Variants in TRMT9B observed in about 807,000 individuals in gnomAD.
TRMT9B encodes tRNA methyltransferase 9B (putative).
TRMT9B carries 16 observed loss-of-function variants against 11.5 expected under a neutral mutation model. That is an observed-to-expected ratio of 1.39 (90% CI 0.94 to 2.11). The LOEUF is 2.11. Among genes scored for constraint, TRMT9B ranks in the 30% most tolerant of loss-of-function variants. The pLI, the probability that TRMT9B is intolerant of heterozygous loss-of-function variation, is 0.00. For synonymous variants in TRMT9B, 274 were observed against 192.4 expected (o/e 1.42, Z -3.51); for missense variants, 941 against 553.8 (o/e 1.70, Z -7.02).
chr8:13,013,118 A>C (rs1289945270), intron 4 of TRMT9B, among the ~76,000 whole-genome samples: 1 of 152,228 alleles, frequency 6.6e-6, no homozygotes, highest in African/African-American at 2.4e-5. Context: ...TCTTTTGAGT[A>C]AGAAAGGATT....
intron 2 of TRMT9B, among the ~76,000 whole-genome samples, chr8:12,991,530 T>C (rs1807328810): frequency 6.6e-6 from 1 of 152,258 alleles, no homozygotes. Flanking sequence ...TGCTCTCTCT[T>C]TTTTAATTCT....
At position 12,999,170 on chromosome 8, in the gene TRMT9B, G is replaced by A. The variant is rs754517825; in HGVS notation, c.-1-7032G>A. 3.3e-5 allele frequency among the ~76,000 whole-genome samples: 5 copies of A among 152,000 alleles called. No homozygotes were observed. In the South Asian group the frequency reaches 6.2e-4, roughly 19 times the overall value. On this transcript the variant is annotated intron_variant, in intron 2 of 4. Coordinates refer to ENST00000524591, the MANE Select transcript of TRMT9B (RefSeq NM_020844.3). ...AAAAATTAGCCAGGCATGGTGGTAC[G>A]TGCCTATAATTCCAGGTACTCAGGA...
chr8:13,026,846 G>C lies in TRMT9B; in HGVS notation c.*4802G>C, dbSNP rs1053041085. 2 of 167,040 alleles carry C rather than the reference G, an allele frequency of 1.2e-5. No homozygotes were observed. Among genetic ancestry groups the C allele is most frequent in the African/African-American group, 4.8e-5 (2 of 41,436 alleles). The allele number at this position is 167,040 out of a possible 1,614,324, so 10.3% of individuals were successfully genotyped here. On this transcript the variant is annotated 3_prime_UTR_variant, in exon 5 of 5. Transcript: ENST00000524591. ...TTGGCGGAGTATTAGAGCCTTTCAA[G>C]GTAAGTGTGATTATCCCCTTTCCAA...
intron 1 of TRMT9B, among the ~76,000 whole-genome samples, chr8:12,963,930 A>G (rs1224659640): frequency 6.6e-6 from 1 of 152,236 alleles, no homozygotes; most frequent in African/African-American, 2.4e-5. Context: ...TCAAGAAACT[A>G]GTGATATTGT....
chr8:12,995,035 A>G (rs1402194592), intron 2 of TRMT9B, among the ~76,000 whole-genome samples: 1 of 152,230 alleles, frequency 6.6e-6, no homozygotes, highest in East Asian at 1.9e-4. Context: ...TCCAAGGCGC[A>G]GCTCCCGACT....
At chr8:12,982,158 T>C (rs1805502127) in intron 1 of TRMT9B, among the ~76,000 whole-genome samples, 1 of 152,216 alleles carries the variant, frequency 6.6e-6, no homozygotes, top group South Asian at 2.1e-4. Context: ...AGTTCTCCAG[T>C]TGTCCCTTTG....
intron 1 of TRMT9B, among the ~76,000 whole-genome samples, chr8:12,946,385 C>T (rs965287157): frequency 1.3e-5 from 2 of 152,088 alleles, no homozygotes; most frequent in African/African-American, 4.8e-5. Context: ...TAAATAAAAG[C>T]AGTACAGATA....
At chr8:12,958,456 G>T (rs1356661025) in intron 1 of TRMT9B, 1 of 152,304 alleles carries the variant, frequency 6.6e-6, no homozygotes, top group Non-Finnish European at 1.5e-5. Flanking sequence ...TACTGCATCA[G>T]ATTGGTGCCC....
chr8:12,952,462 A>G (rs1317797642), intron 1 of TRMT9B: 4 of 270,580 alleles, frequency 1.5e-5, no homozygotes, highest in African/African-American at 2.3e-5. Flanking sequence ...GCCATGCAGT[A>G]AGGGATTGCG....
chr8:12,987,073 C>T (rs539174227), intron 1 of TRMT9B, among the ~76,000 whole-genome samples: 5 of 152,166 alleles, frequency 3.3e-5, no homozygotes, highest in South Asian at 4.1e-4. Flanking sequence ...CCTCTTATTT[C>T]GCCATTTGCT....
chr8:13,015,358 G>A lies in TRMT9B; in HGVS notation c.328+2501G>A, dbSNP rs369792096. Among the ~76,000 whole-genome samples, 31 of 151,904 alleles carry A rather than the reference G, an allele frequency of 2.0e-4. No homozygotes were observed. The East Asian group carries it at 5.6e-3, about 27-fold the overall frequency. On this transcript the variant is annotated intron_variant, in intron 4 of 4. Transcript: ENST00000524591. ...CCCTAACCTTCAGCATTTAGAATCC[G>A]CAGGTTTAGCGTAAAGTGAGACCAA... is the stretch of plus-strand genomic sequence containing the variant.
rs1382572043 is a variant in TRMT9B, at chr8:13,028,026, A to G, written c.*5982A>G. 5 of 167,030 alleles carry G rather than the reference A, an allele frequency of 3.0e-5. No individual in the cohort carries two copies. In the East Asian group the frequency reaches 9.6e-4, roughly 32 times the overall value. 10.3% of individuals were successfully genotyped at this position (167,030 alleles called of 1,614,324 possible). On this transcript the variant is annotated 3_prime_UTR_variant, in exon 5 of 5. Transcript: ENST00000524591. ...TGTATTGCAAATGAAAGAGCTCAGC[A>G]TGAGAGCACAATCAGAAACTGAAGA... is the stretch of plus-strand genomic sequence containing the variant.
intron 2 of TRMT9B, among the ~76,000 whole-genome samples, chr8:12,997,171 C>G (rs1283759315): frequency 1.3e-5 from 2 of 151,816 alleles, no homozygotes; most frequent in Non-Finnish European, 2.9e-5. Context: ...AAATGTGACC[C>G]CCAATGTTGG....
rs1441802918 is a variant in TRMT9B at position 13,028,121 on chromosome 8, G to T, written c.*6077G>T. 6.0e-6 allele frequency: 1 copy of T among 167,060 alleles called. No homozygotes were observed. Among genetic ancestry groups the T allele is most frequent in the African/African-American group, 2.4e-5 (1 of 41,458 alleles). The allele number at this position is 167,060 out of a possible 1,614,324, so 10.3% of individuals were successfully genotyped here. The stretch of plus-strand genomic sequence containing the variant: ...ATTCCCCAGGGATCCTACGGTCTAT[G>T]ACACATTAACAGGGGTGTGAATCAT... On this transcript the variant is annotated 3_prime_UTR_variant, in exon 5 of 5. Transcript: ENST00000524591.
rs1225914519 is a variant in TRMT9B, at chr8:13,028,368, C to G, written c.*6324C>G. On this transcript the variant is annotated 3_prime_UTR_variant, in exon 5 of 5. Transcript: ENST00000524591. ...TAAAGTTTACTCCAACCCAATTAAT[C>G]ATTAATACATCCACAGGAAAAATAC... 1 of 166,970 alleles carries G rather than the reference C, an allele frequency of 6.0e-6. No individual in the cohort carries two copies. The highest frequency in any genetic ancestry group is 2.1e-4 in the South Asian group (1 of 4,820). 10.3% of individuals were successfully genotyped at this position (166,970 alleles called of 1,614,324 possible).
intron 4 of TRMT9B, among the ~76,000 whole-genome samples, chr8:13,019,218 A>ACG (rs996640498): frequency 6.6e-6 from 1 of 152,178 alleles, no homozygotes; most frequent in Non-Finnish European, 1.5e-5. Context: ...CCCATAGAAG[A>ACG]CGCTCTAAAG....
chr8:12,989,143 C>T (rs1806869534), intron 1 of TRMT9B, among the ~76,000 whole-genome samples: 1 of 152,076 alleles, frequency 6.6e-6, no homozygotes, highest in Admixed American at 6.6e-5. Flanking sequence ...ACCCTCTTCC[C>T]AGGAAAATAC....
chr8:12,991,100 G>A, intron 2 of TRMT9B, 69 bp downstream of exon 2: 1 of 712,546 alleles, frequency 1.4e-6, no homozygotes, highest in Non-Finnish European at 1.9e-6. Flanking sequence ...CATATTTAGT[G>A]AACCTAATTC....
intron 3 of TRMT9B, chr8:13,010,890 C>A: frequency 1.0e-6 from 1 of 960,762 alleles, no homozygotes; most frequent in Non-Finnish European, 1.2e-6. Flanking sequence ...TTCTCATAAT[C>A]ATTATTGGGA....
Sources: gnomAD v4.1 joint callset for allele counts (sites outside exome capture counted in the v4.1 genomes callset) on GRCh38, gnomAD v4.1.1 for gene constraint, MANE v1.5 for transcripts, NCBI Gene and HGNC (gene_info 2026-07-23, HGNC 2026-07-21) for gene names.